Variants in MOXD1 observed in about 807,000 individuals in gnomAD.
MOXD1 encodes the protein DBH-like monooxygenase protein 1.
In MOXD1, 62 loss-of-function variants were observed where a neutral mutation model predicts 66.6. That is an observed-to-expected ratio of 0.93 (90% CI 0.76 to 1.15). The LOEUF (loss-of-function observed/expected upper bound fraction) is 1.15. Among genes scored for constraint, MOXD1 ranks in the 50% most tolerant of loss-of-function variants. The pLI, the probability that MOXD1 is intolerant of heterozygous loss-of-function variation, is 0.00. For synonymous variants in MOXD1, 303 were observed against 281.9 expected (o/e 1.07, Z -0.75); for missense variants, 847 against 754.6 (o/e 1.12, Z -1.44).
rs962718270 is a variant in MOXD1 at position 132,352,963 on chromosome 6, G to A, written c.663+19645C>T. 2.6e-5 allele frequency among the ~76,000 whole-genome samples: 4 copies of A among 152,104 alleles called. No individual in the cohort carries two copies. In the South Asian group the frequency reaches 8.3e-4, roughly 31 times the overall value. Reference sequence around the variant, plus strand: ...GTCTGATGTAAGAATAGCTACCCCTGCTTGCTTTTGACGTCCATTTGCATG... The same window carrying A: ...GTCTGATGTAAGAATAGCTACCCCTACTTGCTTTTGACGTCCATTTGCATG... On this transcript the variant is annotated intron_variant, in intron 4 of 11. Coordinates refer to ENST00000367963, the MANE Select transcript of MOXD1 (RefSeq NM_015529.4).
chr6:132,353,772 T>C (rs1385676921), intron 4 of MOXD1, among the ~76,000 whole-genome samples: 1 of 152,202 alleles, frequency 6.6e-6, no homozygotes, highest in African/African-American at 2.4e-5. Context: ...AACTTTTAGA[T>C]TCCTTTTCTT....
At chr6:132,365,274 A>C (rs1425739190) in intron 4 of MOXD1, among the ~76,000 whole-genome samples, 4 of 152,116 alleles carry the variant, frequency 2.6e-5, no homozygotes, top group Non-Finnish European at 5.9e-5. Context: ...TCTAGAAAGG[A>C]CTAAGATGCC....
chr6:132,328,363 C>T (rs542546100), intron 5 of MOXD1, 52 bp downstream of exon 5: 234 of 1,571,780 alleles, frequency 1.5e-4, no homozygotes, highest in Middle Eastern at 6.8e-4. Context: ...ATATTTGTGG[C>T]GGGAAATATG....
rs184461910 is a variant in MOXD1 at position 132,394,908 on chromosome 6, C to A, written c.264+6255G>T. Among the ~76,000 whole-genome samples the A allele has an allele frequency of 2.1e-3, 322 of 152,190 alleles. 3 individuals are homozygous for A. The highest frequency in any genetic ancestry group is 7.5e-3 in the African/African-American group (312 of 41,540). On this transcript the variant is annotated intron_variant, in intron 1 of 11. Coordinates refer to ENST00000367963, the MANE Select transcript of MOXD1 (RefSeq NM_015529.4). Reference sequence around the variant, plus strand: ...TATTTAACAAAACAATAGATAAAAACTTCCCAAGTCTTGCAAAAAACTTTA... The same window carrying A: ...TATTTAACAAAACAATAGATAAAAAATTCCCAAGTCTTGCAAAAAACTTTA...
intron 10 of MOXD1, among the ~76,000 whole-genome samples, chr6:132,303,852 T>TATATATATATATATATATATATATAC (rs1774623221): frequency 1.5e-5 from 1 of 68,662 alleles, no homozygotes; most frequent in Non-Finnish European, 2.4e-5. Flanking sequence ...TATATATATA[T>TATATATATATATATATATATATATAC]ATATATATAT....
chr6:132,310,302 C>T (rs1774799881), intron 10 of MOXD1, among the ~76,000 whole-genome samples: 1 of 152,216 alleles, frequency 6.6e-6, no homozygotes, highest in South Asian at 2.1e-4. Context: ...GAGATACCAT[C>T]TCATTCCAGT....
At chr6:132,401,024 G>A in intron 1 of MOXD1, 139 bp downstream of exon 1, 2 of 1,145,788 alleles carry the variant, frequency 1.7e-6, no homozygotes, top group Non-Finnish European at 1.2e-6. Flanking sequence ...GGAGGCGAGA[G>A]TGAGCGTGGC....
At chr6:132,387,482 G>A (rs138695503) in intron 1 of MOXD1, among the ~76,000 whole-genome samples, 12 of 150,924 alleles carry the variant, frequency 8.0e-5, no homozygotes, top group East Asian at 5.8e-4. Context: ...GGTGGAGCAC[G>A]GTAGCTCACA....
intron 10 of MOXD1, among the ~76,000 whole-genome samples, chr6:132,312,312 G>C (rs1774847218): frequency 6.6e-6 from 1 of 152,046 alleles, no homozygotes; most frequent in Admixed American, 6.6e-5. Context: ...GAATAGAAGA[G>C]TTTTGTTCAT....
chr6:132,342,743 G>T (rs1186169375), intron 4 of MOXD1, among the ~76,000 whole-genome samples: 1 of 152,152 alleles, frequency 6.6e-6, no homozygotes, highest in East Asian at 1.9e-4. Flanking sequence ...ATACAGAGTA[G>T]ATATATATAA....
At chr6:132,351,799 C>T (rs761824833) in intron 4 of MOXD1, among the ~76,000 whole-genome samples, 13 of 152,258 alleles carry the variant, frequency 8.5e-5, no homozygotes, top group Non-Finnish European at 1.6e-4. Context: ...ATTATCCTTT[C>T]AATCTCACTG....
intron 4 of MOXD1, among the ~76,000 whole-genome samples, chr6:132,331,753 G>T (rs904049406): frequency 3.9e-5 from 6 of 152,168 alleles, no homozygotes; most frequent in Non-Finnish European, 8.8e-5. Flanking sequence ...AAAGGGTGAT[G>T]GGATTTTAAA....
chr6:132,393,580 C>A (rs1264581441), intron 1 of MOXD1, among the ~76,000 whole-genome samples: 1 of 152,150 alleles, frequency 6.6e-6, no homozygotes, highest in Admixed American at 6.5e-5. Flanking sequence ...CTCTCATGGG[C>A]CCTGAGACTC....
At chr6:132,318,991 T>A (rs2114564002) in intron 9 of MOXD1, among the ~76,000 whole-genome samples, 1 of 152,136 alleles carries the variant, frequency 6.6e-6, no homozygotes, top group East Asian at 1.9e-4. Flanking sequence ...TAGGTCTGTT[T>A]CTGAGATGCC....
At chr6:132,356,946 TA>T (rs1775920725) in intron 4 of MOXD1, among the ~76,000 whole-genome samples, 1 of 152,078 alleles carries the variant, frequency 6.6e-6, no homozygotes, top group Non-Finnish European at 1.5e-5. Context: ...TTATTTTATA[TA>T]TTTTTTACTT....
chr6:132,308,241 C>A (rs184920818), intron 10 of MOXD1, among the ~76,000 whole-genome samples: 20 of 152,222 alleles, frequency 1.3e-4, no homozygotes, highest in East Asian at 3.9e-4. Flanking sequence ...AATATAAACA[C>A]CTCTATGCAA....
chr6:132,296,924 C>T lies in MOXD1; in HGVS notation c.*229G>A, dbSNP rs1472055343. 5 of 348,772 alleles carry T rather than the reference C, an allele frequency of 1.4e-5. No individual in the cohort carries two copies. The highest frequency in any genetic ancestry group is 1.5e-5 in the Non-Finnish European group (3 of 195,274). The allele number at this position is 348,772 out of a possible 1,614,324, so 21.6% of individuals were successfully genotyped here. A position where few individuals can be genotyped will look rare whatever the true frequency, so the allele number is the denominator to read the frequency against. ...TTTAAAATGGTTATCTTAAGTCAGG[C>T]CAGTTTTATTTTATTGACCATGTAT... On this transcript the variant is annotated 3_prime_UTR_variant, in exon 12 of 12. Coordinates refer to ENST00000367963, the MANE Select transcript of MOXD1 (RefSeq NM_015529.4).
chr6:132,312,207 A>G (rs1002412957), intron 10 of MOXD1, among the ~76,000 whole-genome samples: 79 of 151,932 alleles, frequency 5.2e-4, no homozygotes, highest in African/African-American at 1.9e-3. Context: ...GACAAGACAT[A>G]GTTGTCTCAT....
At chr6:132,299,851 T>C (rs936630438) in intron 10 of MOXD1, among the ~76,000 whole-genome samples, 2 of 151,920 alleles carry the variant, frequency 1.3e-5, no homozygotes, top group African/African-American at 4.8e-5. Context: ...TACATTAATC[T>C]TCATATTTTT....
Sources: gnomAD v4.1 joint callset for allele counts (sites outside exome capture counted in the v4.1 genomes callset) on GRCh38, gnomAD v4.1.1 for gene constraint, MANE v1.5 for transcripts, NCBI Gene and HGNC (gene_info 2026-07-23, HGNC 2026-07-21) for gene names.